The following CFHR5 variants were observed in gnomAD, a reference collection of about 807,000 sequenced individuals.
CFHR5 encodes the protein complement factor H related 5.
Under a neutral mutation model 62.9 loss-of-function variants are expected in CFHR5, and 73 were observed. The observed-to-expected ratio is 1.16, with a 90% CI of 0.96 to 1.41. The LOEUF is 1.41. Ranked by LOEUF, CFHR5 falls within the 40% of genes most tolerant of loss-of-function variation. The pLI is 0.00. For missense variants in CFHR5, 779 were observed against 679.9 expected, an observed-to-expected ratio of 1.15 and a Z score of -1.62; for synonymous variants, 249 against 227.2, an observed-to-expected ratio of 1.10 and a Z score of -0.86.
chr1:196,980,080 C>T (rs1434901465), intron 1 of CFHR5, among the ~76,000 whole-genome samples: 1 of 152,068 alleles, frequency 6.6e-6, no homozygotes, highest in African/African-American at 2.4e-5. Flanking sequence ...TTAACCTCGG[C>T]CTACGGAGGG....
chr1:197,002,667 T>C lies in CFHR5; in HGVS notation c.1330+3T>C, dbSNP rs748151908. 5.0e-6 allele frequency: 8 copies of C among 1,609,548 alleles called. No individual in the cohort carries two copies. The highest frequency in any genetic ancestry group is 6.8e-6 in the Non-Finnish European group (8 of 1,176,364). ...GCAATCATTACCACGCTGTGTTGGT[T>C]AGTAGTTTATTTCTAAGTAATTTCA... On this transcript the variant is annotated splice_donor_region_variant and intron_variant, in intron 8 of 9. Transcript: ENST00000256785.
intron 1 of CFHR5, among the ~76,000 whole-genome samples, chr1:196,979,548 T>A (rs1653483560): frequency 6.6e-6 from 1 of 152,032 alleles, no homozygotes. Context: ...AAATACAATA[T>A]AAAATATTAA....
At chr1:196,988,503 G>T (rs939358427) in intron 3 of CFHR5, among the ~76,000 whole-genome samples, 18 of 152,016 alleles carry the variant, frequency 1.2e-4, no homozygotes, top group Non-Finnish European at 1.6e-4. Context: ...ATTGGCTGTG[G>T]GTTTGTCATG....
At chr1:197,002,302 A>T (rs1238490263) in intron 7 of CFHR5, among the ~76,000 whole-genome samples, 180 bp from the exon 8 acceptor site, 1 of 152,176 alleles carries the variant, frequency 6.6e-6, no homozygotes, top group Non-Finnish European at 1.5e-5. Context: ...TGTAAACTAT[A>T]GTGACACAAA....
At chr1:196,977,124 A>G (rs1228336623), upstream of CFHR5, among the ~76,000 whole-genome samples, 4 of 151,970 alleles carry the variant, frequency 2.6e-5, no homozygotes, top group Non-Finnish European at 4.4e-5. Context: ...ATAATTCTTG[A>G]TTAGACCTTT....
At chr1:196,987,024 G>A (rs1287489062) in intron 3 of CFHR5, among the ~76,000 whole-genome samples, 3 of 152,134 alleles carry the variant, frequency 2.0e-5, no homozygotes, top group Non-Finnish European at 4.4e-5. Flanking sequence ...ATCCTCTCTA[G>A]AATCTGTTGT....
In CFHR5 at chr1:196,995,851, A is replaced by T. The variant is rs753934056; in HGVS notation, c.742A>T (p.Lys248Ter). The T allele has an allele frequency of 1.9e-6, 3 of 1,613,342 alleles. No homozygotes were observed. The South Asian group carries it at 3.3e-5, about 18-fold the overall frequency. ...TAATTTTATAATAAACGGGCCTAAG[A>T]AAATACAATGTGTGGATGGAGAATG... ...NPNFIINGPK[K>*]IQCVDGEWTT... is the part of the protein sequence containing the mutation. The change falls in exon 5 of 10, where the codon AAA (lysine) becomes TAA (stop). Residue 248 changes from lysine (K) to a stop codon, truncating the protein, a stop_gained. Transcript: ENST00000256785. LOFTEE classifies it high-confidence loss of function.
chr1:196,991,165 A>C (rs765804945), intron 3 of CFHR5, among the ~76,000 whole-genome samples: 25 of 152,040 alleles, frequency 1.6e-4, no homozygotes, highest in Non-Finnish European at 2.2e-4. Context: ...CGGCTATTGA[A>C]GCTTGTACAT....
Position 197,008,518 on chromosome 1 carries a change from C to T in CFHR5, c.1545C>T (p.Asn515=). The part of the protein sequence containing the change: ...DPCVVSEENM[N]KNNIQLKWRN... ...GTGTGGTATCTGAAGAAAACATGAA[C>T]AAAAATAACATACAGTTAAAATGGA... is the stretch of plus-strand genomic sequence containing the variant. The change falls in exon 10 of 10, where the codon AAC becomes AAT. Residue 515 remains asparagine (N), a synonymous_variant. Transcript: ENST00000256785. The T allele has an allele frequency of 6.2e-7, 1 of 1,609,828 alleles. No homozygotes were observed. The highest frequency in any genetic ancestry group is 8.5e-7 in the Non-Finnish European group (1 of 1,177,648).
At position 196,999,683 on chromosome 1, in the gene CFHR5, GTATATATATATATATATATATATATA is replaced by G. The variant is rs35191504; in HGVS notation, c.1147+1394_1147+1419del. Among the ~76,000 whole-genome samples, 10 of 110,654 alleles carry G rather than the reference GTATATATATATATATATATATATATA, an allele frequency of 9.0e-5. 1 individual carries two copies. The highest frequency in any genetic ancestry group is 4.3e-4 in the East Asian group (1 of 2,314). The allele number at this position is 110,654 out of a possible 152,430, so 72.6% of individuals were successfully genotyped here. A position where few individuals can be genotyped will look rare whatever the true frequency, so the allele number is the denominator to read the frequency against. ...TTAAACTTATCTATTTTGGGAAAAA[GTATATATATATATATATATATATATA>G]TATATATATATATACACACACACAC... On this transcript the variant is annotated intron_variant, in intron 7 of 9. Coordinates refer to ENST00000256785, the MANE Select transcript of CFHR5 (RefSeq NM_030787.4).
intron 9 of CFHR5, among the ~76,000 whole-genome samples, chr1:197,005,264 C>A (rs1242078768): frequency 6.6e-6 from 1 of 152,064 alleles, no homozygotes; most frequent in African/African-American, 2.4e-5. Flanking sequence ...AGTAGAACAC[C>A]TAGTTGACTA....
chr1:196,987,011 C>A (rs1056905879), intron 3 of CFHR5, among the ~76,000 whole-genome samples: 3 of 152,134 alleles, frequency 2.0e-5, no homozygotes, highest in Admixed American at 6.5e-5. Context: ...CCTATTTCTC[C>A]ACATCCTCTC....
intron 1 of CFHR5, among the ~76,000 whole-genome samples, chr1:196,978,862 G>C (rs574564205): frequency 3.8e-4 from 58 of 152,168 alleles, no homozygotes; most frequent in African/African-American, 1.4e-3. Flanking sequence ...AAAATTATGA[G>C]GATAATATGT....
At chr1:196,994,778 G>C (rs779949312) in intron 4 of CFHR5, among the ~76,000 whole-genome samples, 1 of 152,130 alleles carries the variant, frequency 6.6e-6, no homozygotes, top group African/African-American at 2.4e-5. Context: ...AAAAGAAAGA[G>C]TTTTAATGGA....
chr1:196,983,096 T>A lies in CFHR5; in HGVS notation c.253+17T>A. ...AGTGTCTCAGTGAGTAAATGCCCTG[T>A]TCATTAAATGGATGTCATTCAGTGA... On this transcript the variant is annotated intron_variant, in intron 2 of 9. Transcript: ENST00000256785. 6.2e-7 allele frequency: 1 copy of A among 1,613,582 alleles called. No individual in the cohort carries two copies. Among genetic ancestry groups the A allele is most frequent in the Non-Finnish European group, 8.5e-7 (1 of 1,179,678 alleles).
At chr1:196,992,980 T>C (rs905243181) in intron 3 of CFHR5, among the ~76,000 whole-genome samples, 1 of 152,176 alleles carries the variant, frequency 6.6e-6, no homozygotes, top group Non-Finnish European at 1.5e-5. Flanking sequence ...GTCTTGAATG[T>C]CAATTATTTA....
rs370641856 is a variant in CFHR5 at position 196,983,004 on chromosome 1, G to A, written c.178G>A (p.Val60Met). 5 of 1,613,904 alleles carry A rather than the reference G, an allele frequency of 3.1e-6. No individual in the cohort carries two copies. Among genetic ancestry groups the A allele is most frequent in the East Asian group, 4.5e-5 (2 of 44,876 alleles). The change falls in exon 2 of 10, where the codon GTG (valine) becomes ATG (methionine). Residue 60 changes from valine to methionine, a missense_variant. Physicochemically the swap from Val to Met is conservative, Grantham distance 21. Transcript: ENST00000256785. ...VFYYSCEYNFVSPSKSFWTRI... is the reference protein window; with the variant it reads ...VFYYSCEYNFMSPSKSFWTRI... ...CTATTACTCCTGTGAATATAATTTT[G>A]TGTCTCCTTCAAAATCCTTTTGGAC...
At position 196,996,653 on chromosome 1, in the gene CFHR5, G is replaced by A. The variant is rs1653997948; in HGVS notation, c.970+452G>A. ...TTTAACTTAGTCTTTACCTCAGCATGTTCCAGATAGAACAACCTAAAAAAT... is the reference window on the plus strand; with the variant it reads ...TTTAACTTAGTCTTTACCTCAGCATATTCCAGATAGAACAACCTAAAAAAT... On this transcript the variant is annotated intron_variant, in intron 6 of 9. Transcript: ENST00000256785. 2.6e-5 allele frequency among the ~76,000 whole-genome samples: 4 copies of A among 152,028 alleles called. No homozygotes were observed. In the South Asian group the frequency reaches 8.3e-4, roughly 31 times the overall value.
At chr1:197,006,988 C>T (rs1343376749) in intron 9 of CFHR5, among the ~76,000 whole-genome samples, 2 of 151,780 alleles carry the variant, frequency 1.3e-5, no homozygotes, top group Admixed American at 1.3e-4. Context: ...AGGCACATGC[C>T]ACCATGCCCG....
Sources: allele counts gnomAD v4.1 joint callset (sites outside exome capture counted in the v4.1 genomes callset), GRCh38; gene constraint gnomAD v4.1.1; transcripts MANE v1.5; gene names NCBI Gene and HGNC (gene_info 2026-07-23, HGNC 2026-07-21).